Variants in KCNH1 observed in about 807,000 individuals in gnomAD.
The protein encoded by KCNH1 is voltage-gated delayed rectifier potassium channel KCNH1.
Under a neutral mutation model 69.2 loss-of-function variants are expected in KCNH1, and 27 were observed. That is an observed-to-expected ratio of 0.39 (90% CI 0.29 to 0.54). KCNH1 has a LOEUF of 0.54. Ranked by LOEUF, KCNH1 falls within the 20% of genes least tolerant of loss-of-function variation. The pLI, the probability that KCNH1 is intolerant of heterozygous loss-of-function variation, is 0.68. For missense variants in KCNH1, 798 were observed against 1,261.6 expected (o/e 0.63, Z 5.57); for synonymous variants, 456 against 487.7 (o/e 0.93, Z 0.86).
chr1:210,789,118 T>G (rs1429320171), intron 9 of KCNH1, among the ~76,000 whole-genome samples: 2 of 152,230 alleles, frequency 1.3e-5, no homozygotes, highest in Non-Finnish European at 2.9e-5. Flanking sequence ...CCCTCTGTGC[T>G]AAGCATGAGC....
At chr1:211,119,436 A>C (rs1691647537) in intron 1 of KCNH1, among the ~76,000 whole-genome samples, 1 of 152,228 alleles carries the variant, frequency 6.6e-6, no homozygotes, top group Non-Finnish European at 1.5e-5. Context: ...ATTGAAAGAT[A>C]ATGATTGAGA....
At chr1:210,873,333 T>G (rs1053155156) in intron 7 of KCNH1, among the ~76,000 whole-genome samples, 2 of 152,134 alleles carry the variant, frequency 1.3e-5, no homozygotes, top group African/African-American at 4.8e-5. Context: ...TTTAAAAAAT[T>G]TTTATATTTC....
At chr1:210,837,526 C>T (rs189854354) in intron 7 of KCNH1, among the ~76,000 whole-genome samples, 7 of 152,198 alleles carry the variant, frequency 4.6e-5, no homozygotes, top group Admixed American at 1.3e-4. Flanking sequence ...AATCCATAAA[C>T]GTAAAGGGGA....
intron 10 of KCNH1, among the ~76,000 whole-genome samples, chr1:210,730,427 A>C (rs138039499): frequency 6.6e-6 from 1 of 152,246 alleles, no homozygotes; most frequent in African/African-American, 2.4e-5. Flanking sequence ...AATGGCCCAC[A>C]CCATTCACCA....
At chr1:211,027,702 TAGAA>T (rs541386764) in intron 5 of KCNH1, among the ~76,000 whole-genome samples, 60 of 152,050 alleles carry the variant, frequency 3.9e-4, no homozygotes, top group South Asian at 3.5e-3. Flanking sequence ...TGTTCTGTAA[TAGAA>T]AGTATCTGAA....
At chr1:210,984,964 C>G (rs1688799538) in intron 6 of KCNH1, among the ~76,000 whole-genome samples, 1 of 152,084 alleles carries the variant, frequency 6.6e-6, no homozygotes, top group Non-Finnish European at 1.5e-5. Flanking sequence ...ATTTCAGAGC[C>G]TGTTATTGGT....
intron 5 of KCNH1, among the ~76,000 whole-genome samples, chr1:211,050,944 G>A (rs1210706057): frequency 6.6e-6 from 1 of 152,006 alleles, no homozygotes; most frequent in African/African-American, 2.4e-5. Flanking sequence ...AATTGTGTTC[G>A]ATGGGAGAGA....
At chr1:210,928,848 T>C (rs927662848) in intron 6 of KCNH1, among the ~76,000 whole-genome samples, 1 of 152,002 alleles carries the variant, frequency 6.6e-6, no homozygotes, top group Non-Finnish European at 1.5e-5. Context: ...AAACGAGAGA[T>C]ACTACAACTA....
intron 7 of KCNH1, among the ~76,000 whole-genome samples, chr1:210,883,873 G>T (rs1686546839): frequency 6.6e-6 from 1 of 152,222 alleles, no homozygotes; most frequent in Non-Finnish European, 1.5e-5. Flanking sequence ...ACTGATAAAT[G>T]ACTGAACAAG....
rs886319890 is a variant in KCNH1 at position 210,927,325 on chromosome 1, C to G, written c.1033-7256G>C. On this transcript the variant is annotated intron_variant, in intron 6 of 10. Transcript: ENST00000271751. ...CCTGTGAGGCAAAAGCATCAGGTAA[C>G]CTATAAAGGAAAATCTATCAGATTA... Among the ~76,000 whole-genome samples, 3 of 152,202 alleles carry G rather than the reference C, an allele frequency of 2.0e-5. No homozygotes were observed. The South Asian group carries it at 6.2e-4, about 32-fold the overall frequency.
intron 1 of KCNH1, among the ~76,000 whole-genome samples, chr1:211,114,034 T>C (rs1160521657): frequency 6.6e-6 from 1 of 151,928 alleles, no homozygotes; most frequent in Non-Finnish European, 1.5e-5. Context: ...AGAGAGAATA[T>C]GTGTGTTGGA....
At chr1:210,762,268 CA>C (rs1479586037) in intron 10 of KCNH1, among the ~76,000 whole-genome samples, 1 of 152,002 alleles carries the variant, frequency 6.6e-6, no homozygotes, top group African/African-American at 2.4e-5. Flanking sequence ...ATGCCTATAT[CA>C]AGAAGATAGA....
chr1:210,952,760 C>T lies in KCNH1; in HGVS notation c.1033-32691G>A, dbSNP rs186476287. 3.3e-5 allele frequency among the ~76,000 whole-genome samples: 5 copies of T among 152,222 alleles called. No individual in the cohort carries two copies. In the East Asian group the frequency reaches 9.6e-4, roughly 29 times the overall value. On this transcript the variant is annotated intron_variant, in intron 6 of 10. Coordinates refer to ENST00000271751, the MANE Select transcript of KCNH1 (RefSeq NM_172362.3). ...TAATGGTTTCTAATTTCAGGCTAGCCTGTAGCTAAGGCTTCCATGTACAGT... is the reference window on the plus strand; with the variant it reads ...TAATGGTTTCTAATTTCAGGCTAGCTTGTAGCTAAGGCTTCCATGTACAGT...
chr1:210,727,440 C>T (rs757376125), intron 10 of KCNH1, among the ~76,000 whole-genome samples: 12 of 152,106 alleles, frequency 7.9e-5, no homozygotes, highest in Non-Finnish European at 1.5e-4. Context: ...CTCAAGAAAT[C>T]CTCCACCTTG....
At chr1:210,950,278 T>C (rs1451519498) in intron 6 of KCNH1, among the ~76,000 whole-genome samples, 1 of 151,012 alleles carries the variant, frequency 6.6e-6, no homozygotes, top group African/African-American at 2.4e-5. Flanking sequence ...TGCAGGTTAG[T>C]TACATATGTA....
chr1:210,803,548 T>A (rs760209617), intron 8 of KCNH1, among the ~76,000 whole-genome samples: 1 of 152,222 alleles, frequency 6.6e-6, no homozygotes, highest in Admixed American at 6.5e-5. Context: ...AAAAAATCCA[T>A]GATGAACAAA....
chr1:211,107,584 T>C (rs571715346), intron 1 of KCNH1, among the ~76,000 whole-genome samples: 1 of 152,244 alleles, frequency 6.6e-6, no homozygotes, highest in South Asian at 2.1e-4. Context: ...CTAACTTAGG[T>C]CACTGTACTC....
rs1685672712 is a variant in KCNH1 at position 210,850,352 on chromosome 1, C to G, written c.1463-46186G>C. On this transcript the variant is annotated intron_variant, in intron 7 of 10. Coordinates refer to ENST00000271751, the MANE Select transcript of KCNH1 (RefSeq NM_172362.3). ...GTCTCTACTGAAGAAAAAAAAAATA[C>G]CAAAAAAAAGTAGCTGGGCGTGGTG... Among the ~76,000 whole-genome samples, 5 of 151,632 alleles carry G rather than the reference C, an allele frequency of 3.3e-5. No individual in the cohort carries two copies. In the South Asian group the frequency reaches 1.0e-3, roughly 32 times the overall value.
chr1:210,865,928 G>A (rs1686097611), intron 7 of KCNH1, among the ~76,000 whole-genome samples: 1 of 152,126 alleles, frequency 6.6e-6, no homozygotes. Flanking sequence ...GTAGCTGATG[G>A]ATCCAGGCTA....
Sources: gnomAD v4.1 joint callset for allele counts (sites outside exome capture counted in the v4.1 genomes callset) on GRCh38, gnomAD v4.1.1 for gene constraint, MANE v1.5 for transcripts, NCBI Gene and HGNC (gene_info 2026-07-23, HGNC 2026-07-21) for gene names.